WDR70: variants seen among roughly 807,000 people sequenced by gnomAD.
WDR70 encodes the protein WD repeat-containing protein 70.
In WDR70, 53 loss-of-function variants were observed where a neutral mutation model predicts 88.6. The ratio of observed to expected loss-of-function variants is 0.60; its 90% CI spans 0.48 to 0.75. The LOEUF (loss-of-function observed/expected upper bound fraction) is 0.75. Among genes scored for constraint, WDR70 ranks in the 30% least tolerant of loss-of-function variants. The probability of loss-of-function intolerance (pLI) is 0.00; values close to 1 mark genes in which losing one functional copy is unlikely to be tolerated. For synonymous variants in WDR70, 280 were observed against 270.0 expected (o/e 1.04, Z -0.36); for missense variants, 610 against 823.2 (o/e 0.74, Z 3.17).
intron 9 of WDR70, among the ~76,000 whole-genome samples, chr5:37,533,006 C>T (rs1383860630): frequency 6.6e-6 from 1 of 152,172 alleles, no homozygotes; most frequent in Non-Finnish European, 1.5e-5. Flanking sequence ...TCCCTGAGAG[C>T]CGAACTGGAG....
chr5:37,609,637 A>G (rs1744130375), intron 10 of WDR70, among the ~76,000 whole-genome samples: 1 of 152,238 alleles, frequency 6.6e-6, no homozygotes, highest in South Asian at 2.1e-4. Context: ...CCCCTGCTCT[A>G]TCTGACTGCC....
intron 5 of WDR70, among the ~76,000 whole-genome samples, chr5:37,434,488 T>G (rs1750410308): frequency 6.6e-6 from 1 of 152,206 alleles, no homozygotes; most frequent in African/African-American, 2.4e-5. Flanking sequence ...AGCTTCTTTT[T>G]GGCAGTCCTT....
At chr5:37,690,998 C>T (rs574937633) in intron 10 of WDR70, among the ~76,000 whole-genome samples, 30 of 152,082 alleles carry the variant, frequency 2.0e-4, no homozygotes, top group Admixed American at 1.8e-3. Flanking sequence ...TGAAGAGACA[C>T]ACATAGGCTC....
At chr5:37,732,682 C>G (rs900489089) in intron 17 of WDR70, among the ~76,000 whole-genome samples, 6 of 151,932 alleles carry the variant, frequency 3.9e-5, no homozygotes, top group African/African-American at 1.4e-4. Context: ...TGTCTTTTGC[C>G]CATTTGCCTA....
intron 10 of WDR70, among the ~76,000 whole-genome samples, chr5:37,684,563 A>G (rs1746525277): frequency 6.6e-6 from 1 of 152,208 alleles, no homozygotes; most frequent in Admixed American, 6.5e-5. Context: ...ATAGGGGGCT[A>G]AGGCTCCGCT....
chr5:37,597,424 T>C (rs1414843048), intron 9 of WDR70, among the ~76,000 whole-genome samples: 1 of 152,198 alleles, frequency 6.6e-6, no homozygotes, highest in Admixed American at 6.5e-5. Flanking sequence ...GATTTTTAAT[T>C]TGCATTTCTG....
intron 10 of WDR70, among the ~76,000 whole-genome samples, chr5:37,684,306 G>A (rs111663349): frequency 0.05 from 7,581 of 152,126 alleles, 612 homozygotes; most frequent in African/African-American, 0.17. Context: ...CATTTCAGCC[G>A]TCTCAGCCTG....
At chr5:37,684,608 C>T (rs1317303689) in intron 10 of WDR70, among the ~76,000 whole-genome samples, 1 of 152,216 alleles carries the variant, frequency 6.6e-6, no homozygotes, top group African/African-American at 2.4e-5. Flanking sequence ...TGCTCTAACT[C>T]TGGGGAACTT....
intron 3 of WDR70, among the ~76,000 whole-genome samples, chr5:37,384,650 ACT>A (rs1748547486): frequency 9.4e-6 from 1 of 106,712 alleles, no homozygotes; most frequent in African/African-American, 3.7e-5. Flanking sequence ...ACAGAGTGAG[ACT>A]CTTGTCTCAA....
chr5:37,425,083 A>G (rs1310050160), intron 5 of WDR70, among the ~76,000 whole-genome samples: 1 of 152,146 alleles, frequency 6.6e-6, no homozygotes, highest in Non-Finnish European at 1.5e-5. Flanking sequence ...CTGTCTCTAC[A>G]AAAAATAGAA....
At chr5:37,499,166 TAC>T (rs1740320480) in intron 8 of WDR70, among the ~76,000 whole-genome samples, 1 of 151,662 alleles carries the variant, frequency 6.6e-6, no homozygotes, top group Admixed American at 6.6e-5. Context: ...CAGGCTGGAG[TAC>T]AGTGGTGCAG....
At chr5:37,700,848 G>A (rs913184427) in intron 11 of WDR70, among the ~76,000 whole-genome samples, 17 of 152,076 alleles carry the variant, frequency 1.1e-4, no homozygotes, top group African/African-American at 3.4e-4. Flanking sequence ...TGCGACTACC[G>A]CTTTTTAAGC....
chr5:37,622,885 G>A (rs1198525309), intron 10 of WDR70, among the ~76,000 whole-genome samples: 1 of 152,050 alleles, frequency 6.6e-6, no homozygotes, highest in East Asian at 1.9e-4. Context: ...AAAACTTAAT[G>A]TATAATAATA....
At chr5:37,496,724 G>A (rs1254929639) in intron 8 of WDR70, among the ~76,000 whole-genome samples, 3 of 152,196 alleles carry the variant, frequency 2.0e-5, no homozygotes, top group Non-Finnish European at 4.4e-5. Flanking sequence ...GAGTTGTTGG[G>A]TTGCTGTTTA....
At chr5:37,444,375 G>A (rs2112058206) in intron 7 of WDR70, among the ~76,000 whole-genome samples, 1 of 118,288 alleles carries the variant, frequency 8.5e-6, no homozygotes, top group Middle Eastern at 9.8e-3. Context: ...GTCTGGCTCT[G>A]TTGCCCAGGC....
rs190784606 is a variant in WDR70, at chr5:37,527,809, G to T, written c.917+11219G>T. 2.2e-3 allele frequency among the ~76,000 whole-genome samples: 338 copies of T among 152,248 alleles called. 1 individual carries two copies. The highest frequency in any genetic ancestry group is 3.4e-3 in the Middle Eastern group (1 of 294). ...AAGAAAAAAACAACCCCATCAAAAA[G>T]TGGGCAAAGGATATGAACAGACACT... On this transcript the variant is annotated intron_variant, in intron 9 of 17. Transcript: ENST00000265107.
intron 10 of WDR70, among the ~76,000 whole-genome samples, chr5:37,657,987 A>G (rs984845398): frequency 1.4e-4 from 22 of 152,254 alleles, no homozygotes; most frequent in Non-Finnish European, 5.9e-5. Flanking sequence ...TTATCACATA[A>G]TTTGTATGTA....
intron 5 of WDR70, among the ~76,000 whole-genome samples, chr5:37,437,461 A>G (rs1750503217): frequency 6.6e-6 from 1 of 152,180 alleles, no homozygotes; most frequent in Non-Finnish European, 1.5e-5. Context: ...TTTTATACAT[A>G]GGTTACAATA....
chr5:37,411,975 TTATC>T (rs1355940984), intron 5 of WDR70, among the ~76,000 whole-genome samples: 6 of 152,078 alleles, frequency 3.9e-5, no homozygotes, highest in Admixed American at 1.3e-4. Context: ...TCCATTTTGT[TTATC>T]TATAATGGTA....
Sources: gnomAD v4.1 joint callset for allele counts (sites outside exome capture counted in the v4.1 genomes callset) on GRCh38, gnomAD v4.1.1 for gene constraint, MANE v1.5 for transcripts, NCBI Gene and HGNC (gene_info 2026-07-23, HGNC 2026-07-21) for gene names.